The following LHPP variants were observed in gnomAD, a reference collection of about 807,000 sequenced individuals.
LHPP encodes the protein phospholysine phosphohistidine inorganic pyrophosphate phosphatase.
A neutral mutation model predicts 30.3 loss-of-function variants in LHPP; 24 were observed. That is an observed-to-expected ratio of 0.79 (90% CI 0.57 to 1.11). The LOEUF is 1.11. Ranked by LOEUF, LHPP falls within the 50% of genes most tolerant of loss-of-function variation. LHPP has a pLI of 0.00. For synonymous variants in LHPP, 150 were observed against 157.1 expected (o/e 0.95, Z 0.34); for missense variants, 356 against 367.2 (o/e 0.97, Z 0.25).
intron 5 of LHPP, among the ~76,000 whole-genome samples, chr10:124,515,627 TAAATTACTTG>T (rs551769678): frequency 1.3e-5 from 2 of 152,262 alleles, no homozygotes; most frequent in Non-Finnish European, 2.9e-5. Flanking sequence ...GGGATGCAGT[TAAATTACTTG>T]AAAACAGTTT....
intron 6 of LHPP, among the ~76,000 whole-genome samples, chr10:124,568,496 T>C (rs545013857): frequency 4.3e-4 from 65 of 152,290 alleles, no homozygotes; most frequent in African/African-American, 1.5e-3. Context: ...CTGGCTGCTT[T>C]TGCTTAGCCC....
At chr10:124,609,720 C>T (rs746441705) in intron 6 of LHPP, among the ~76,000 whole-genome samples, 20 of 152,228 alleles carry the variant, frequency 1.3e-4, no homozygotes, top group Non-Finnish European at 2.2e-4. Context: ...CCTTTGCCAG[C>T]TCTGGAGCTC....
At chr10:124,531,720 A>G (rs1442679983) in intron 6 of LHPP, among the ~76,000 whole-genome samples, 1 of 152,226 alleles carries the variant, frequency 6.6e-6, no homozygotes, top group East Asian at 1.9e-4. Context: ...TGGTTTGCCC[A>G]AATATTGCTG....
At chr10:124,493,491 G>A (rs1177962894) in intron 3 of LHPP, among the ~76,000 whole-genome samples, 1 of 152,218 alleles carries the variant, frequency 6.6e-6, no homozygotes, top group African/African-American at 2.4e-5. Flanking sequence ...TTTACATTTG[G>A]CATCTGTTTG....
chr10:124,491,808 C>G (rs1953540269), intron 3 of LHPP, among the ~76,000 whole-genome samples: 1 of 152,122 alleles, frequency 6.6e-6, no homozygotes, highest in African/African-American at 2.4e-5. Context: ...GCCTATAGTC[C>G]CAGCTACTCG....
At chr10:124,557,987 T>C (rs1444718382) in intron 6 of LHPP, among the ~76,000 whole-genome samples, 1 of 152,150 alleles carries the variant, frequency 6.6e-6, no homozygotes, top group Non-Finnish European at 1.5e-5. Flanking sequence ...ACCGTGACAC[T>C]GCGCATGGTC....
Position 124,483,089 on chromosome 10 carries a change from A to G in LHPP, c.126-1050A>G, listed in dbSNP as rs557850812. ...TGCAGCCTGGATTCGCGGGTCTCCT[A>G]TGAAGTCAGGAGGGAAGAAGCTCGG... On this transcript the variant is annotated intron_variant, in intron 1 of 6. Transcript: ENST00000368842. Among the ~76,000 whole-genome samples the G allele has an allele frequency of 4.6e-5, 7 of 152,038 alleles. No homozygotes were observed. In the East Asian group the frequency reaches 5.8e-4, roughly 13 times the overall value.
At chr10:124,531,874 T>C (rs1954909422) in intron 6 of LHPP, among the ~76,000 whole-genome samples, 1 of 152,236 alleles carries the variant, frequency 6.6e-6, no homozygotes. Flanking sequence ...TAGTATTTCT[T>C]GTTTGAATGA....
At chr10:124,582,261 T>C (rs933606735) in intron 6 of LHPP, among the ~76,000 whole-genome samples, 2 of 152,138 alleles carry the variant, frequency 1.3e-5, no homozygotes, top group African/African-American at 4.8e-5. Context: ...TTATTTTTAT[T>C]TTTATAGAGA....
intron 6 of LHPP, among the ~76,000 whole-genome samples, chr10:124,524,499 A>G (rs1423749076): frequency 6.6e-6 from 1 of 150,382 alleles, no homozygotes; most frequent in Non-Finnish European, 1.5e-5. Context: ...CTGGTCTCAA[A>G]CTCCTGACCT....
intron 6 of LHPP, among the ~76,000 whole-genome samples, chr10:124,597,262 A>G (rs1054824685): frequency 2.0e-5 from 3 of 152,022 alleles, no homozygotes; most frequent in African/African-American, 7.2e-5. Context: ...AGTTCTCCCT[A>G]ATAAACTCCC....
At chr10:124,471,728 T>C (rs1244876546) in intron 1 of LHPP, among the ~76,000 whole-genome samples, 4 of 4,462 alleles carry the variant, frequency 9.0e-4, no homozygotes, top group Non-Finnish European at 2.6e-3. Flanking sequence ...TATTTATGTA[T>C]ATATATATTT....
At chr10:124,538,149 A>G (rs1044333486) in intron 6 of LHPP, among the ~76,000 whole-genome samples, 8 of 150,028 alleles carry the variant, frequency 5.3e-5, no homozygotes, top group Non-Finnish European at 1.2e-4. Context: ...CTCACCATGC[A>G]GGGTCACCAC....
At chr10:124,555,601 T>C (rs1053164965) in intron 6 of LHPP, among the ~76,000 whole-genome samples, 8 of 152,180 alleles carry the variant, frequency 5.3e-5, no homozygotes, top group African/African-American at 1.9e-4. Context: ...CCTGTAGGGC[T>C]GGCCTTATTG....
intron 6 of LHPP, among the ~76,000 whole-genome samples, chr10:124,584,363 C>T (rs1424937409): frequency 1.0e-5 from 1 of 98,428 alleles, no homozygotes; most frequent in Non-Finnish European, 2.1e-5. Context: ...GACTCTGTCT[C>T]AAAAAAAAAA....
intron 5 of LHPP, among the ~76,000 whole-genome samples, chr10:124,504,693 C>T (rs1954010478): frequency 6.6e-6 from 1 of 151,946 alleles, no homozygotes; most frequent in African/African-American, 2.4e-5. Flanking sequence ...ACGAGACTGG[C>T]TGTCCAGATG....
Position 124,516,427 on chromosome 10 carries a change from G to C in LHPP, c.625-753G>C, listed in dbSNP as rs565197625. On this transcript the variant is annotated intron_variant, in intron 5 of 6. Coordinates refer to ENST00000368842, the MANE Select transcript of LHPP (RefSeq NM_022126.4). ...TCACGCTGCGGGCTAGTGAATTTGT[G>C]GGGGACACACTTGAGTTCACAGCAC... Among the ~76,000 whole-genome samples, 20 of 152,300 alleles carry C rather than the reference G, an allele frequency of 1.3e-4. No individual in the cohort carries two copies. In the East Asian group the frequency reaches 3.7e-3, roughly 28 times the overall value.
intron 3 of LHPP, among the ~76,000 whole-genome samples, chr10:124,493,280 T>C (rs1213897924): frequency 6.6e-6 from 1 of 152,146 alleles, no homozygotes; most frequent in African/African-American, 2.4e-5. Context: ...TTTTAGGGAC[T>C]AGGTCCCAGC....
At chr10:124,469,066 G>T (rs955410972) in intron 1 of LHPP, among the ~76,000 whole-genome samples, 1 of 152,214 alleles carries the variant, frequency 6.6e-6, no homozygotes, top group African/African-American at 2.4e-5. Flanking sequence ...AGCCACGGGG[G>T]CGAGTGGCCC....
Sources: allele counts gnomAD v4.1 joint callset (sites outside exome capture counted in the v4.1 genomes callset), GRCh38; gene constraint gnomAD v4.1.1; transcripts MANE v1.5; gene names NCBI Gene and HGNC (gene_info 2026-07-23, HGNC 2026-07-21).